FIGNL1: variants seen among roughly 807,000 people sequenced by gnomAD.
FIGNL1 encodes the protein fidgetin like 1, also known as fidgetin-like protein 1.
A neutral mutation model predicts 28.9 loss-of-function variants in FIGNL1; 11 were observed. That is an observed-to-expected ratio of 0.38 (90% confidence interval 0.24 to 0.63). The LOEUF (loss-of-function observed/expected upper bound fraction) is 0.63. Ranked by LOEUF, FIGNL1 falls within the 20% of genes least tolerant of loss-of-function variation. FIGNL1 has a pLI of 0.57. For synonymous variants in FIGNL1, 295 were observed against 276.5 expected, an observed-to-expected ratio of 1.07 and a Z score of -0.66; for missense variants, 789 against 810.4, an observed-to-expected ratio of 0.97 and a Z score of 0.32.
chr7:50,446,469 T>C lies in FIGNL1; in HGVS notation c.819A>G (p.Ile273Met), dbSNP rs140225959. 3 of 1,614,218 alleles carry C rather than the reference T, an allele frequency of 1.9e-6. No individual in the cohort carries two copies. Among genetic ancestry groups the C allele is most frequent in the East Asian group, 4.5e-5 (2 of 44,890 alleles). ...CTGTTTTACTACAAGCCTTATTCAGTATTGGATTGGAAAGTGCATCAATGG... is the reference window on the plus strand; with the variant it reads ...CTGTTTTACTACAAGCCTTATTCAGCATTGGATTGGAAAGTGCATCAATGG... ...SGTIDALSNP[I>M]LNKACSKTED... Residue 273 changes from isoleucine (I) to methionine (M), a missense_variant, in exon 4 of 4, where the codon ATA becomes ATG. Transcript: ENST00000433017.
At position 50,446,636 on chromosome 7, in the gene FIGNL1, T is replaced by A. The variant is rs1282903512; in HGVS notation, c.652A>T (p.Thr218Ser). Residue 218 changes from threonine to serine, a missense_variant, in exon 4 of 4, where the codon ACA (threonine) becomes TCA (serine). Transcript: ENST00000433017. Reference sequence around the variant, plus strand: ...TTTTTGACATTTCCAAACAATGGTGTGACATGGAATTTTGCAGTAGCTGAC... The same window carrying A: ...TTTTTGACATTTCCAAACAATGGTGAGACATGGAATTTTGCAGTAGCTGAC... ...GESATAKFHV[T>S]PLFGNVKKEN... 6.2e-7 allele frequency: 1 copy of A among 1,614,142 alleles called. No homozygotes were observed. The highest frequency in any genetic ancestry group is 1.7e-5 in the Admixed American group (1 of 60,024).
rs780064285 is a variant in FIGNL1, at chr7:50,447,189, T to G, written c.99A>C (p.Ala33=). ...SGICTGPKAD[A]YRAQILRIQY... is the part of the protein sequence containing the mutation. ...GAATGCGTAATATCTGTGCACGGTA[T>G]GCATCTGCCTTCGGTCCGGTACATA... The change falls in exon 4 of 4, where the codon GCA becomes GCC. Residue 33 remains alanine (A), a synonymous_variant. Coordinates refer to ENST00000433017, the MANE Select transcript of FIGNL1 (RefSeq NM_001287492.4). 1.1e-5 allele frequency: 18 copies of G among 1,614,204 alleles called. No homozygotes were observed. Among genetic ancestry groups the G allele is most frequent in the Non-Finnish European group, 1.5e-5 (18 of 1,180,022 alleles).
chr7:50,446,302 C>T lies in FIGNL1; in HGVS notation c.986G>A (p.Gly329Glu). ...SSYGGVKKSLGASRSRGILGK... is the reference protein window; with the variant it reads ...SSYGGVKKSLEASRSRGILGK... ...AAGTATCCCTCGGGATCTACTAGCT[C>T]CTAGAGACTTTTTTACACCACCATA... The change falls in exon 4 of 4, where the codon GGA becomes GAA. Residue 329 changes from glycine (G) to glutamate (E), a missense_variant. Coordinates refer to ENST00000433017, the MANE Select transcript of FIGNL1 (RefSeq NM_001287492.4). 1 of 1,614,152 alleles carries T rather than the reference C, an allele frequency of 6.2e-7. No individual in the cohort carries two copies. The highest frequency in any genetic ancestry group is 8.5e-7 in the Non-Finnish European group (1 of 1,180,040).
chr7:50,447,187 T>C lies in FIGNL1; in HGVS notation c.101A>G (p.Tyr34Cys), dbSNP rs1443218836. 2.5e-6 allele frequency: 4 copies of C among 1,614,234 alleles called. No individual in the cohort carries two copies. The highest frequency in any genetic ancestry group is 2.5e-6 in the Non-Finnish European group (3 of 1,180,030). ...CTGAATGCGTAATATCTGTGCACGGTATGCATCTGCCTTCGGTCCGGTACA... is the reference window on the plus strand; with the variant it reads ...CTGAATGCGTAATATCTGTGCACGGCATGCATCTGCCTTCGGTCCGGTACA... The part of the protein sequence containing the change: ...GICTGPKADA[Y>C]RAQILRIQYA... The change falls in exon 4 of 4, where the codon TAC (tyrosine) becomes TGC (cysteine). Residue 34 changes from tyrosine (Y) to cysteine (C), a missense_variant. By Grantham distance (194) the Tyr-to-Cys change is radical. Transcript: ENST00000433017.
chr7:50,445,888 G>A lies in FIGNL1; in HGVS notation c.1400C>T (p.Ala467Val). 1.9e-6 allele frequency: 3 copies of A among 1,614,144 alleles called. No homozygotes were observed. Among genetic ancestry groups the A allele is most frequent in the Non-Finnish European group, 2.5e-6 (3 of 1,180,046 alleles). ...QSGATFFSISASSLTSKWVGE... is the reference protein window; with the variant it reads ...QSGATFFSISVSSLTSKWVGE... ...TACCCATTTAGAAGTTAAGGATGAA[G>A]CAGAGATGCTAAAGAATGTTGCCCC... Residue 467 changes from alanine to valine, a missense_variant, in exon 4 of 4, where the codon GCT (alanine) becomes GTT (valine). Ala to Val is a moderately conservative substitution (Grantham distance 64). Transcript: ENST00000433017.
In FIGNL1 at chr7:50,445,210, TAA is replaced by T; in HGVS notation, c.*51_*52del. ...TTAACACATCCCCAACTTTCTATGC[TAA>T]AAAATAAAGAAGACTGTACTACAGA... is the stretch of plus-strand genomic sequence containing the variant. On this transcript the variant is annotated 3_prime_UTR_variant, in exon 4 of 4. Transcript: ENST00000433017. 1 of 1,179,600 alleles carries T rather than the reference TAA, an allele frequency of 8.5e-7. No homozygotes were observed. Among genetic ancestry groups the T allele is most frequent in the Non-Finnish European group, 1.2e-6 (1 of 857,098 alleles). 73.1% of individuals were successfully genotyped at this position (1,179,600 alleles called of 1,614,324 possible).
rs765292754 is a variant in FIGNL1, at chr7:50,447,183, A to C, written c.105T>G (p.Arg35=). The C allele has an allele frequency of 2.5e-6, 4 of 1,614,204 alleles. No homozygotes were observed. The highest frequency in any genetic ancestry group is 2.2e-5 in the East Asian group (1 of 44,882). The change falls in exon 4 of 4, where the codon CGT becomes CGG. Residue 35 remains arginine, a synonymous_variant. Coordinates refer to ENST00000433017, the MANE Select transcript of FIGNL1 (RefSeq NM_001287492.4). ...CATACTGAATGCGTAATATCTGTGCACGGTATGCATCTGCCTTCGGTCCGG... is the reference window on the plus strand; with the variant it reads ...CATACTGAATGCGTAATATCTGTGCCCGGTATGCATCTGCCTTCGGTCCGG... ...ICTGPKADAY[R]AQILRIQYAW...
In FIGNL1 at chr7:50,445,642, T is replaced by C. The variant is rs1440969663; in HGVS notation, c.1646A>G (p.Gln549Arg). The change falls in exon 4 of 4, where the codon CAA (glutamine) becomes CGA (arginine). Residue 549 changes from glutamine to arginine, a missense_variant. Gln to Arg is a conservative substitution (Grantham distance 43). Coordinates refer to ENST00000433017, the MANE Select transcript of FIGNL1 (RefSeq NM_001287492.4). ...ILVVGATNRP[Q>R]EIDEAARRRL... ...TCTCCGGGCAGCCTCATCAATTTCT[T>C]GTGGCCGATTTGTTGCTCCCACCAC... 1.9e-6 allele frequency: 3 copies of C among 1,614,128 alleles called. No individual in the cohort carries two copies. The Admixed American group carries it at 5.0e-5, about 27-fold the overall frequency.
In FIGNL1 at chr7:50,445,799, T is replaced by C. The variant is rs1274421198; in HGVS notation, c.1489A>G (p.Ile497Val). ...AAGGAATCAATTTCGTCAATAAATA[T>C]CACAGCTGGTTGCTGACACCTTGCA... ...AVARCQQPAVIFIDEIDSLLS... is the reference protein window; with the variant it reads ...AVARCQQPAVVFIDEIDSLLS... The change falls in exon 4 of 4, where the codon ATA becomes GTA. Residue 497 changes from isoleucine to valine, a missense_variant. Physicochemically the swap from Ile to Val is conservative, Grantham distance 29. Transcript: ENST00000433017. 2 of 1,614,236 alleles carry C rather than the reference T, an allele frequency of 1.2e-6. No homozygotes were observed. Among genetic ancestry groups the C allele is most frequent in the Non-Finnish European group, 1.7e-6 (2 of 1,180,042 alleles).
At position 50,445,899 on chromosome 7, in the gene FIGNL1, A is replaced by G; in HGVS notation, c.1389T>C (p.Phe463=). The G allele has an allele frequency of 6.2e-7, 1 of 1,614,126 alleles. No homozygotes were observed. The highest frequency in any genetic ancestry group is 8.5e-7 in the Non-Finnish European group (1 of 1,180,042). ...AAGTTAAGGATGAAGCAGAGATGCTAAAGAATGTTGCCCCAGACTGACTAG... is the reference window on the plus strand; with the variant it reads ...AAGTTAAGGATGAAGCAGAGATGCTGAAGAATGTTGCCCCAGACTGACTAG... ...CIASQSGATF[F]SISASSLTSK... The change falls in exon 4 of 4, where the codon TTT becomes TTC. Residue 463 remains phenylalanine (F), a synonymous_variant. Transcript: ENST00000433017.
At chr7:50,450,010 G>A (rs1024222979) in intron 1 of FIGNL1, 1 of 152,374 alleles carries the variant, frequency 6.6e-6, no homozygotes. Flanking sequence ...CTCTGCCAAA[G>A]GAAGCCGCCC....
chr7:50,446,383 A>G lies in FIGNL1; in HGVS notation c.905T>C (p.Leu302Ser). 6.2e-7 allele frequency: 1 copy of G among 1,614,016 alleles called. No individual in the cohort carries two copies. Among genetic ancestry groups the G allele is most frequent in the Non-Finnish European group, 8.5e-7 (1 of 1,179,998 alleles). ...GTACTTTTTTTGCTGATCTACCCAT[A>G]ATTGTTCTTTTGCAGTTTTAAATGT... Reference protein sequence around the residue: ...LPTFKTAKEQLWVDQQKKYHQ... With the variant: ...LPTFKTAKEQSWVDQQKKYHQ... The change falls in exon 4 of 4, where the codon TTA becomes TCA. Residue 302 changes from leucine (L) to serine (S), a missense_variant. Leu to Ser is a moderately radical substitution (Grantham distance 145). Transcript: ENST00000433017.
At position 50,445,207 on chromosome 7, in the gene FIGNL1, T is replaced by C. The variant is rs1009203652; in HGVS notation, c.*56A>G. On this transcript the variant is annotated 3_prime_UTR_variant, in exon 4 of 4. Coordinates refer to ENST00000433017, the MANE Select transcript of FIGNL1 (RefSeq NM_001287492.4). Reference sequence around the variant, plus strand: ...CAATTAACACATCCCCAACTTTCTATGCTAAAAAATAAAGAAGACTGTACT... The same window carrying C: ...CAATTAACACATCCCCAACTTTCTACGCTAAAAAATAAAGAAGACTGTACT... 8 of 1,119,964 alleles carry C rather than the reference T, an allele frequency of 7.1e-6. No homozygotes were observed. The highest frequency in any genetic ancestry group is 1.0e-5 in the Non-Finnish European group (8 of 803,270). 69.4% of individuals were successfully genotyped at this position (1,119,964 alleles called of 1,614,324 possible).
intron 1 of FIGNL1, chr7:50,450,084 G>A (rs1490823188): frequency 1.3e-5 from 2 of 152,338 alleles, no homozygotes; most frequent in African/African-American, 4.8e-5. Context: ...GGATGAGTCT[G>A]GTTCTGGGCT....
chr7:50,447,398 G>T, intron 3 of FIGNL1, 101 bp from the exon 4 acceptor site: 1 of 771,604 alleles, frequency 1.3e-6, no homozygotes. Flanking sequence ...AAGGGACACT[G>T]GACTTTTTAT....
rs748048613 is a variant in FIGNL1 at position 50,445,316 on chromosome 7, T to G, written c.1972A>C (p.Lys658Gln). The G allele has an allele frequency of 3.8e-6, 6 of 1,595,098 alleles. No individual in the cohort carries two copies. In the Admixed American group the frequency reaches 1.1e-4, roughly 29 times the overall value. Reference sequence around the variant, plus strand: ...CAGTTTTCATAAAGCTCTAAATCTTTTGGAGAAACACTAGGTCGCACAGTT... The same window carrying G: ...CAGTTTTCATAAAGCTCTAAATCTTGTGGAGAAACACTAGGTCGCACAGTT... ...FRTVRPSVSP[K>Q]DLELYENWNK... The change falls in exon 4 of 4, where the codon AAA (lysine) becomes CAA (glutamine). Residue 658 changes from lysine (K) to glutamine (Q), a missense_variant. Coordinates refer to ENST00000433017, the MANE Select transcript of FIGNL1 (RefSeq NM_001287492.4).
At position 50,447,054 on chromosome 7, in the gene FIGNL1, C is replaced by T. The variant is rs369677770; in HGVS notation, c.234G>A (p.Gly78=). The change falls in exon 4 of 4, where the codon GGG becomes GGA. Residue 78 remains glycine (G), a synonymous_variant. Coordinates refer to ENST00000433017, the MANE Select transcript of FIGNL1 (RefSeq NM_001287492.4). Reference sequence around the variant, plus strand: ...AAATGTTTTCTGCATAATTATTCAACCCAGATTCAACATTGTCAGAATCAA... The same window carrying T: ...AAATGTTTTCTGCATAATTATTCAATCCAGATTCAACATTGTCAGAATCAA... The part of the protein sequence containing the change: ...AIIDSDNVES[G]LNNYAENILT... The T allele has an allele frequency of 3.3e-5, 54 of 1,614,090 alleles. No individual in the cohort carries two copies. In the African/African-American group the frequency reaches 6.3e-4, roughly 19 times the overall value.
chr7:50,446,720 GC>G lies in FIGNL1; in HGVS notation c.567del (p.Gln189HisfsTer5). 6.2e-7 allele frequency: 1 copy of G among 1,614,190 alleles called. No homozygotes were observed. Among genetic ancestry groups the G allele is most frequent in the Non-Finnish European group, 8.5e-7 (1 of 1,180,036 alleles). ...CTAGCAGTGTTAGTCACCATAGGTG[GC>G]TGGGCATTCTGAAGGAGTTTCAAAC... ...SNRLKLLQNAQPPMVTNTART... is the reference protein window; with the variant it reads ...SNRLKLLQNAXPPMVTNTART... On this transcript the variant is annotated frameshift_variant, in exon 4 of 4. Coordinates refer to ENST00000433017, the MANE Select transcript of FIGNL1 (RefSeq NM_001287492.4). LOFTEE classifies it low-confidence loss of function (END_TRUNC).
rs1225887053 is a variant in FIGNL1, at chr7:50,447,265, G to T, written c.23C>A (p.Ser8Tyr). 1 of 1,597,074 alleles carries T rather than the reference G, an allele frequency of 6.3e-7. No homozygotes were observed. Among genetic ancestry groups the T allele is most frequent in the Non-Finnish European group, 8.6e-7 (1 of 1,167,598 alleles). The change falls in exon 4 of 4, where the codon TCT becomes TAT. Residue 8 changes from serine to tyrosine, a missense_variant. By Grantham distance (144) the Ser-to-Tyr change is moderately radical. Transcript: ENST00000433017. Reference sequence around the variant, plus strand: ...CTTCTGCCATTCACTCAGGTGCACAGATCTAGAGCTGGAGGTCTGCATTTT... The same window carrying T: ...CTTCTGCCATTCACTCAGGTGCACATATCTAGAGCTGGAGGTCTGCATTTT... MQTSSSR[S>Y]VHLSEWQKNY...
Sources: gnomAD v4.1 joint callset for allele counts on GRCh38, gnomAD v4.1.1 for gene constraint, MANE v1.5 for transcripts, NCBI Gene and HGNC (gene_info 2026-07-23, HGNC 2026-07-21) for gene names.